The following VWDE variants were observed in gnomAD, a reference collection of about 807,000 sequenced individuals.
The protein encoded by VWDE is von Willebrand factor D and EGF domains.
A neutral mutation model predicts 178.4 loss-of-function variants in VWDE; 207 were observed. The ratio of observed to expected loss-of-function variants is 1.16; its 90% CI spans 1.04 to 1.30. The LOEUF (loss-of-function observed/expected upper bound fraction) is 1.30. Ranked by LOEUF, VWDE falls within the 50% of genes most tolerant of loss-of-function variation. VWDE has a pLI of 0.00. For missense variants in VWDE, 2,287 were observed against 1,901.3 expected, an observed-to-expected ratio of 1.20 and a Z score of -3.77; for synonymous variants, 738 against 651.4, an observed-to-expected ratio of 1.13 and a Z score of -2.02.
intron 3 of VWDE, among the ~76,000 whole-genome samples, chr7:12,383,935 A>C (rs188239184): frequency 3.3e-4 from 50 of 152,300 alleles, no homozygotes; most frequent in Non-Finnish European, 6.2e-4. Context: ...ATTTTGGAGA[A>C]CAGTTTAGTG....
chr7:12,336,212 T>G lies in VWDE; in HGVS notation c.4583A>C (p.Asn1528Thr). Residue 1528 changes from asparagine to threonine, a missense_variant, in exon 27 of 29, where the codon AAC becomes ACC. Transcript: ENST00000275358. Reference protein sequence around the residue: ...NTPICLQKCKNGGECIAPSIC... With the variant: ...NTPICLQKCKTGGECIAPSIC... ...GCTGGGCGCAATGCATTCACCACCGTTTTTACATTTCTGCAAGCAGATAGC... is the reference window on the plus strand; with the variant it reads ...GCTGGGCGCAATGCATTCACCACCGGTTTTACATTTCTGCAAGCAGATAGC... 4 of 1,551,352 alleles carry G rather than the reference T, an allele frequency of 2.6e-6. No individual in the cohort carries two copies. The highest frequency in any genetic ancestry group is 3.5e-6 in the Non-Finnish European group (4 of 1,146,856).
Position 12,393,751 on chromosome 7 carries a change from T to C in VWDE, c.86A>G (p.Gln29Arg), listed in dbSNP as rs1388298326. 3.9e-6 allele frequency: 6 copies of C among 1,550,534 alleles called. No homozygotes were observed. The Admixed American group carries it at 5.9e-5, about 15-fold the overall frequency. ...EAQECSPGGH[Q>R]FLRSPYRSVR... ...ACTTCTATAAGGACTCCGAAGAAAC[T>C]GGTGTCCCCCAGGAGAGCACTCCTG... Residue 29 changes from glutamine to arginine, a missense_variant, in exon 2 of 29, where the codon CAG becomes CGG. Physicochemically the swap from Gln to Arg is conservative, Grantham distance 43. Coordinates refer to ENST00000275358, the MANE Select transcript of VWDE (RefSeq NM_001135924.3).
rs1783099872 is a variant in VWDE, at chr7:12,370,164, A to G, written c.2142T>C (p.His714=). Residue 714 remains histidine (H), a synonymous_variant, in exon 12 of 29, where the codon CAT becomes CAC. Coordinates refer to ENST00000275358, the MANE Select transcript of VWDE (RefSeq NM_001135924.3). ...LTKLGLNVQK[H]PGNEKEDSLQ... is the part of the protein sequence containing the mutation. ...GTGAATCTTCTTTCTCATTTCCAGG[A>G]TGTTTTTGTACATTTAAGCCGAGTT... 3.9e-6 allele frequency: 6 copies of G among 1,551,250 alleles called. No individual in the cohort carries two copies. The highest frequency in any genetic ancestry group is 4.4e-6 in the Non-Finnish European group (5 of 1,146,830).
chr7:12,338,851 G>A (rs1284903625), intron 24 of VWDE, among the ~76,000 whole-genome samples: 2 of 151,956 alleles, frequency 1.3e-5, no homozygotes, highest in East Asian at 3.8e-4. Flanking sequence ...TAACTTTTTT[G>A]TGATGTTTCT....
intron 16 of VWDE, among the ~76,000 whole-genome samples, chr7:12,358,273 C>G (rs1218547680): frequency 6.6e-6 from 1 of 151,606 alleles, no homozygotes; most frequent in Non-Finnish European, 1.5e-5. Flanking sequence ...ACTTGGGAGG[C>G]TGAAGCAGGA....
intron 19 of VWDE, among the ~76,000 whole-genome samples, chr7:12,350,624 A>G (rs923735899): frequency 7.2e-5 from 11 of 152,066 alleles, no homozygotes; most frequent in Non-Finnish European, 1.5e-4. Flanking sequence ...CTACACTACA[A>G]TGAGAGCGTA....
intron 13 of VWDE, among the ~76,000 whole-genome samples, chr7:12,363,402 T>C (rs1583307041): frequency 1.3e-5 from 2 of 152,032 alleles, no homozygotes; most frequent in Non-Finnish European, 2.9e-5. Context: ...ATCCATTTCT[T>C]GGTTAACATC....
chr7:12,356,164 C>T lies in VWDE; in HGVS notation c.3692G>A (p.Ser1231Asn). ...ATAACTGTGAAAACCACTAATATAGCTGCCAAGACCACAAGGGTTGGATTG... is the reference window on the plus strand; with the variant it reads ...ATAACTGTGAAAACCACTAATATAGTTGCCAAGACCACAAGGGTTGGATTG... Reference protein sequence around the residue: ...GCQSNPCGLGSYISGFHSYSC... With the variant: ...GCQSNPCGLGNYISGFHSYSC... The change falls in exon 18 of 29, where the codon AGC becomes AAC. Residue 1231 changes from serine to asparagine, a missense_variant. By Grantham distance (46) the Ser-to-Asn change is conservative. Transcript: ENST00000275358. The T allele has an allele frequency of 6.4e-7, 1 of 1,551,512 alleles. No individual in the cohort carries two copies. The highest frequency in any genetic ancestry group is 8.7e-7 in the Non-Finnish European group (1 of 1,146,958).
Position 12,367,372 on chromosome 7 carries a change from T to C in VWDE, c.2883A>G (p.Glu961=). 6.5e-7 allele frequency: 1 copy of C among 1,544,946 alleles called. No homozygotes were observed. ...GFKELPSIKC[E]VTKLQYNSSE... ...ATTAACATACCTGTAGCTTAGTAAC[T>C]TCACATTTAATTGAAGGTAATTCTT... Residue 961 remains glutamate (E), a synonymous_variant, in exon 13 of 29, where the codon GAA becomes GAG. Coordinates refer to ENST00000275358, the MANE Select transcript of VWDE (RefSeq NM_001135924.3).
chr7:12,383,024 A>G (rs1783931957), intron 4 of VWDE, among the ~76,000 whole-genome samples: 1 of 152,000 alleles, frequency 6.6e-6, no homozygotes, highest in South Asian at 2.1e-4. Context: ...CTTAAAAAAA[A>G]AAAGGCATTG....
In VWDE at chr7:12,356,156, T is replaced by C; in HGVS notation, c.3700A>G (p.Ser1234Gly). The change falls in exon 18 of 29, where the codon AGT becomes GGT. Residue 1234 changes from serine (S) to glycine (G), a missense_variant. Transcript: ENST00000275358. ...TCACAGGAATAACTGTGAAAACCACTAATATAGCTGCCAAGACCACAAGGG... is the reference window on the plus strand; with the variant it reads ...TCACAGGAATAACTGTGAAAACCACCAATATAGCTGCCAAGACCACAAGGG... ...SNPCGLGSYI[S>G]GFHSYSCDCP... The C allele has an allele frequency of 6.4e-7, 1 of 1,551,546 alleles. No homozygotes were observed. The highest frequency in any genetic ancestry group is 8.7e-7 in the Non-Finnish European group (1 of 1,146,990).
Position 12,361,220 on chromosome 7 carries a change from G to T in VWDE, c.3086C>A (p.Pro1029His). 6.5e-7 allele frequency: 1 copy of T among 1,547,760 alleles called. No individual in the cohort carries two copies. Among genetic ancestry groups the T allele is most frequent in the Non-Finnish European group, 8.7e-7 (1 of 1,144,196 alleles). The change falls in exon 15 of 29, where the codon CCC becomes CAC. Residue 1029 changes from proline (P) to histidine (H), a missense_variant. By Grantham distance (77) the Pro-to-His change is moderately conservative (BLOSUM62 -2). Transcript: ENST00000275358. ...ACCATCATATATGACCGTTATTTTG[G>T]GATTACTGAATTTATAACCATCATT... ...VSNDGYKFSN[P>H]KITVIYDGAC...
intron 22 of VWDE, 23 bp downstream of exon 22, chr7:12,343,060 G>C (rs1781413176): frequency 1.3e-6 from 2 of 1,519,706 alleles, no homozygotes; most frequent in African/African-American, 1.4e-5. Context: ...CATTATATCA[G>C]ACATCAGGAG....
Position 12,398,829 on chromosome 7 carries a change from G to T in VWDE, c.58+4830C>A, listed in dbSNP as rs540624887. ...ATACTGCATGTTCTCGCTTATAAGGGCAAGCTAAACATTGGGTACCCACAG... is the reference window on the plus strand; with the variant it reads ...ATACTGCATGTTCTCGCTTATAAGGTCAAGCTAAACATTGGGTACCCACAG... On this transcript the variant is annotated intron_variant, in intron 1 of 28. Transcript: ENST00000275358. Among the ~76,000 whole-genome samples the T allele has an allele frequency of 1.3e-4, 20 of 152,218 alleles. No homozygotes were observed. The South Asian group carries it at 3.9e-3, about 30-fold the overall frequency.
chr7:12,335,732 G>A (rs1024241559), intron 27 of VWDE, among the ~76,000 whole-genome samples: 2 of 152,166 alleles, frequency 1.3e-5, no homozygotes, highest in African/African-American at 4.8e-5. Flanking sequence ...TGGGATTACA[G>A]GCGTGAGCCA....
rs1450278083 is a variant in VWDE at position 12,330,912 on chromosome 7, T to G, written c.*271A>C. ...AGGGCTGAGAAAATATTCAGTTTAT[T>G]AAATATTGTGAATGGGTGGAATATC... On this transcript the variant is annotated 3_prime_UTR_variant, in exon 29 of 29. Transcript: ENST00000275358. 8.4e-6 allele frequency: 3 copies of G among 359,006 alleles called. No individual in the cohort carries two copies. The highest frequency in any genetic ancestry group is 1.5e-5 in the Non-Finnish European group (3 of 197,682). The allele number at this position is 359,006 out of a possible 1,614,324, so 22.2% of individuals were successfully genotyped here. A position where few individuals can be genotyped will look rare whatever the true frequency, so the allele number is the denominator to read the frequency against.
chr7:12,373,128 C>T lies in VWDE; in HGVS notation c.1436G>A (p.Cys479Tyr), dbSNP rs1168554724. The change falls in exon 10 of 29, where the codon TGT (cysteine) becomes TAT (tyrosine). Residue 479 changes from cysteine to tyrosine, a missense_variant. Transcript: ENST00000275358. ...RSLHYPVSCN[C>Y]GFVAQEGGDI... ...ACCTCCTTCCTGGGCAACAAACCCACAATTACATGACACTGGATAGTGAAG... is the reference window on the plus strand; with the variant it reads ...ACCTCCTTCCTGGGCAACAAACCCATAATTACATGACACTGGATAGTGAAG... 1 of 1,551,374 alleles carries T rather than the reference C, an allele frequency of 6.4e-7. No homozygotes were observed. Among genetic ancestry groups the T allele is most frequent in the Non-Finnish European group, 8.7e-7 (1 of 1,146,800 alleles).
intron 21 of VWDE, among the ~76,000 whole-genome samples, chr7:12,343,387 A>C (rs936557222): frequency 2.0e-5 from 3 of 152,204 alleles, no homozygotes; most frequent in East Asian, 1.9e-4. Flanking sequence ...TTGATTAATA[A>C]AACGTTTTGT....
chr7:12,332,666 C>A (rs958445599), intron 28 of VWDE, among the ~76,000 whole-genome samples: 2 of 152,064 alleles, frequency 1.3e-5, no homozygotes, highest in African/African-American at 4.8e-5. Flanking sequence ...TTTTGCTTTC[C>A]AGTTTTCAAA....
Sources: allele counts gnomAD v4.1 joint callset (sites outside exome capture counted in the v4.1 genomes callset), GRCh38; gene constraint gnomAD v4.1.1; transcripts MANE v1.5; gene names NCBI Gene and HGNC (gene_info 2026-07-23, HGNC 2026-07-21).